RTL1: variants seen among roughly 807,000 people sequenced by gnomAD.
The protein encoded by RTL1 is retrotransposon-like protein 1.
For synonymous variants in RTL1, 727 were observed against 748.4 expected (o/e 0.97, Z 0.47); for missense variants, 1,681 against 1,767.5 (o/e 0.95, Z 0.88).
At chr14:100,888,045 T>C (rs1032766249) in intron 3 of RTL1, among the ~76,000 whole-genome samples, 1 of 152,132 alleles carries the variant, frequency 6.6e-6, no homozygotes, top group Admixed American at 6.5e-5. Flanking sequence ...ATGTTTACAA[T>C]CCAGTTTCTC....
rs1271196008 is a variant in RTL1, at chr14:100,884,611, T to G, written c.178A>C (p.Ser60Arg). The change falls in exon 4 of 4, where the codon AGT (serine) becomes CGT (arginine). Residue 60 changes from serine to arginine, a missense_variant. By Grantham distance (110) the Ser-to-Arg change is moderately radical. Coordinates refer to ENST00000649591, the MANE Select transcript of RTL1 (RefSeq NM_001134888.3). ...GPAQEKKEPP[S>R]GPLQEMEELP... ...TCTTCCATTTCCTGGAGTGGGCCAC[T>G]GGGGGGCTCCTTCTTTTCCTGGGCT... is the stretch of plus-strand genomic sequence containing the variant. 2 of 1,613,670 alleles carry G rather than the reference T, an allele frequency of 1.2e-6. No individual in the cohort carries two copies. The highest frequency in any genetic ancestry group is 2.7e-5 in the African/African-American group (2 of 74,896).
chr14:100,883,090 T>C lies in RTL1; in HGVS notation c.1699A>G (p.Asn567Asp), dbSNP rs1456461164. The C allele has an allele frequency of 6.2e-7, 1 of 1,613,694 alleles. No individual in the cohort carries two copies. The highest frequency in any genetic ancestry group is 8.5e-7 in the Non-Finnish European group (1 of 1,179,938). The change falls in exon 4 of 4, where the codon AAC becomes GAC. Residue 567 changes from asparagine to aspartate, a missense_variant. Physicochemically the swap from Asn to Asp is conservative, Grantham distance 23. Coordinates refer to ENST00000649591, the MANE Select transcript of RTL1 (RefSeq NM_001134888.3). The surrounding 1 kb of genome is among the most constrained non-coding windows in gnomAD (Gnocchi z 5.9). The part of the protein sequence containing the change: ...HPYSDLADVF[N>D]PKEADDETSD... Reference sequence around the variant, plus strand: ...GTCTCATCATCTGCTTCCTTCGGGTTAAACACGTCGGCCAGGTCTGAGTAT... The same window carrying C: ...GTCTCATCATCTGCTTCCTTCGGGTCAAACACGTCGGCCAGGTCTGAGTAT...
rs1331927690 is a variant in RTL1 at position 100,880,668 on chromosome 14, G to A, written c.*44C>T. ...CCAGGGGACGTCGGGAGGTGTTGGG[G>A]TGAGAAATAGAGGGGACTCTTTGCT... On this transcript the variant is annotated 3_prime_UTR_variant, in exon 4 of 4. Transcript: ENST00000649591. The A allele has an allele frequency of 4.5e-6, 7 of 1,549,082 alleles. No homozygotes were observed. The South Asian group carries it at 7.2e-5, about 16-fold the overall frequency.
chr14:100,902,429 G>A (rs2038955284), intron 2 of RTL1, among the ~76,000 whole-genome samples: 1 of 152,238 alleles, frequency 6.6e-6, no homozygotes, highest in African/African-American at 2.4e-5. Flanking sequence ...CCCAGGGGAG[G>A]GCGTGGTGCT....
chr14:100,896,159 C>T (rs902346359), intron 2 of RTL1, among the ~76,000 whole-genome samples: 32 of 152,010 alleles, frequency 2.1e-4, no homozygotes, highest in African/African-American at 7.7e-4. Context: ...AACTAAAATG[C>T]TGTGTAATAA....
chr14:100,893,756 T>C lies in RTL1; in HGVS notation c.-148-251A>G, dbSNP rs1016141872. Among the ~76,000 whole-genome samples the C allele has an allele frequency of 1.3e-5, 2 of 152,240 alleles. No homozygotes were observed. The highest frequency in any genetic ancestry group is 4.8e-5 in the African/African-American group (2 of 41,464). On this transcript the variant is annotated intron_variant, in intron 2 of 3. Coordinates refer to ENST00000649591, the MANE Select transcript of RTL1 (RefSeq NM_001134888.3). The surrounding 1 kb of genome is among the most constrained non-coding windows in gnomAD (Gnocchi z 4.2). Reference sequence around the variant, plus strand: ...CAGGTTTTCACTCTTTCAATCGTTCTAAGAAGCTGCGAGGGCCTTCCTTTT... The same window carrying C: ...CAGGTTTTCACTCTTTCAATCGTTCCAAGAAGCTGCGAGGGCCTTCCTTTT...
rs867322899 is a variant in RTL1, at chr14:100,885,527, T to G, written c.-86-653A>C. 8.8e-3 allele frequency among the ~76,000 whole-genome samples: 1,340 copies of G among 151,748 alleles called. 21 individuals are homozygous for G. The highest frequency in any genetic ancestry group is 0.03 in the African/African-American group (1,252 of 41,440). ...AGGGGGTGTGTACAGGTCTGGGTTT[T>G]TTTTTTTTTTTTCCATAAATTTTAT... On this transcript the variant is annotated intron_variant, in intron 3 of 3. Coordinates refer to ENST00000649591, the MANE Select transcript of RTL1 (RefSeq NM_001134888.3).
intron 3 of RTL1, among the ~76,000 whole-genome samples, chr14:100,888,050 T>C (rs1167947204): frequency 6.6e-6 from 1 of 152,074 alleles, no homozygotes; most frequent in Non-Finnish European, 1.5e-5. Flanking sequence ...TACAATCCAG[T>C]TTCTCTGGAG....
rs866025286 is a variant in RTL1 at position 100,881,501 on chromosome 14, G to A, written c.3288C>T (p.Leu1096=). ...GGCATTGCCTCACGCGCAGTAGCAC[G>A]AGGATGGCTGCCAGGGCTAGGGTGT... The part of the protein sequence containing the change: ...WKNTLALAAI[L]VLLRVRQCLS... The change falls in exon 4 of 4, where the codon CTC becomes CTT. Residue 1096 remains leucine, a synonymous_variant. Transcript: ENST00000649591. This position sits in a 1 kb window ranked among gnomAD's most constrained non-coding sequence, Gnocchi z 6.6. The A allele has an allele frequency of 6.4e-7, 1 of 1,551,500 alleles. No homozygotes were observed. Among genetic ancestry groups the A allele is most frequent in the East Asian group, 2.4e-5 (1 of 40,928 alleles).
chr14:100,890,074 GAAA>G (rs55688942), intron 3 of RTL1, among the ~76,000 whole-genome samples: 61 of 123,860 alleles, frequency 4.9e-4, no homozygotes, highest in African/African-American at 1.3e-3. Context: ...CGCCTTATTT[GAAA>G]AAAAAAAAAA....
At chr14:100,902,896 CA>C (rs1158830106) in intron 2 of RTL1, among the ~76,000 whole-genome samples, 1 of 152,124 alleles carries the variant, frequency 6.6e-6, no homozygotes, top group East Asian at 1.9e-4. Context: ...ACAAGTGTCG[CA>C]AGAGAGAAAA....
In RTL1 at chr14:100,881,958, G is replaced by C; in HGVS notation, c.2831C>G (p.Pro944Arg). ...CTCTGTGTTGAGAAGGATCATGATG[G>C]GCTCCTCGGTGTTCTCCAGGTAGCG... ...WCRYLENTEEPIMILLNTEDL... is the reference protein window; with the variant it reads ...WCRYLENTEERIMILLNTEDL... The change falls in exon 4 of 4, where the codon CCC (proline) becomes CGC (arginine). Residue 944 changes from proline (P) to arginine (R), a missense_variant. Physicochemically the swap from Pro to Arg is moderately radical, Grantham distance 103 (BLOSUM62 -2). Coordinates refer to ENST00000649591, the MANE Select transcript of RTL1 (RefSeq NM_001134888.3). The surrounding 1 kb of genome is among the most constrained non-coding windows in gnomAD (Gnocchi z 6.6). 1 of 1,613,760 alleles carries C rather than the reference G, an allele frequency of 6.2e-7. No individual in the cohort carries two copies. The highest frequency in any genetic ancestry group is 8.5e-7 in the Non-Finnish European group (1 of 1,180,020).
chr14:100,886,705 A>G (rs1408367432), intron 3 of RTL1, among the ~76,000 whole-genome samples: 2 of 149,924 alleles, frequency 1.3e-5, no homozygotes, highest in Non-Finnish European at 3.0e-5. Context: ...CTAATATAAA[A>G]TTCTAATTGA....
At chr14:100,886,236 G>A (rs1382824235) in intron 3 of RTL1, among the ~76,000 whole-genome samples, 3 of 149,380 alleles carry the variant, frequency 2.0e-5, no homozygotes, top group East Asian at 1.9e-4. Context: ...AAAAAACTGC[G>A]TTCCCCCTTA....
At chr14:100,897,142 G>C (rs528726048) in intron 2 of RTL1, among the ~76,000 whole-genome samples, 10 of 152,216 alleles carry the variant, frequency 6.6e-5, no homozygotes, top group Non-Finnish European at 1.3e-4. Context: ...AGAGCATATA[G>C]ATATTTTTTA....
At chr14:100,895,586 C>T (rs867354688) in intron 2 of RTL1, among the ~76,000 whole-genome samples, 3 of 151,720 alleles carry the variant, frequency 2.0e-5, no homozygotes, top group South Asian at 4.2e-4. Flanking sequence ...GGAGCAGGGT[C>T]GGGGTGGAGG....
chr14:100,903,429 G>A (rs866216042), intron 1 of RTL1, among the ~76,000 whole-genome samples, 43 bp from the exon 2 acceptor site: 24 of 152,250 alleles, frequency 1.6e-4, no homozygotes, highest in African/African-American at 5.8e-4. Context: ...TGGAAATTGA[G>A]GTGATCAAGA....
In RTL1 at chr14:100,882,203, C is replaced by T. The variant is rs967695244; in HGVS notation, c.2586G>A (p.Lys862=). The T allele has an allele frequency of 5.2e-6, 8 of 1,550,624 alleles. No homozygotes were observed. In the African/African-American group the frequency reaches 8.2e-5, roughly 16 times the overall value. Residue 862 remains lysine, a synonymous_variant, in exon 4 of 4, where the codon AAG becomes AAA. Coordinates refer to ENST00000649591, the MANE Select transcript of RTL1 (RefSeq NM_001134888.3). ...GCTTGGGGTGGTGGAGGAGAGGCGC[C>T]TTGCGGAAAGCCCTCTTCAGGCACT... is the stretch of plus-strand genomic sequence containing the variant. ...AFECLKRAFR[K]APLLHHPKPQ...
At chr14:100,894,295 G>A (rs1321612759) in intron 2 of RTL1, among the ~76,000 whole-genome samples, 1 of 136,978 alleles carries the variant, frequency 7.3e-6, no homozygotes, top group African/African-American at 2.8e-5. Context: ...GGGCGACAGA[G>A]TGAAACTCCG....
Sources: gnomAD v4.1 joint callset for allele counts (sites outside exome capture counted in the v4.1 genomes callset) on GRCh38, gnomAD v4.1.1 for gene constraint, Gnocchi (gnomAD v3.1) non-coding constraint, MANE v1.5 for transcripts, NCBI Gene and HGNC (gene_info 2026-07-23, HGNC 2026-07-21) for gene names.